MYO3B: variants seen among roughly 807,000 people sequenced by gnomAD.
MYO3B encodes the protein myosin IIIB.
MYO3B carries 156 observed loss-of-function variants against 174.6 expected under a neutral mutation model. The observed-to-expected ratio is 0.89, with a 90% CI of 0.78 to 1.02. MYO3B has a LOEUF of 1.02. Among genes scored for constraint, MYO3B ranks in the 50% least tolerant of loss-of-function variants. The probability of loss-of-function intolerance (pLI) is 0.00; values close to 1 mark genes in which losing one functional copy is unlikely to be tolerated. For synonymous variants in MYO3B, 563 were observed against 569.1 expected (o/e 0.99, Z 0.15); for missense variants, 1,632 against 1,639.4 (o/e 1.00, Z 0.08).
chr2:170,260,176 A>C (rs1408305674), intron 7 of MYO3B, among the ~76,000 whole-genome samples: 2 of 152,238 alleles, frequency 1.3e-5, no homozygotes, highest in Non-Finnish European at 2.9e-5. Flanking sequence ...AAGAACTAAA[A>C]GAAGAACGAC....
At chr2:170,492,580 A>G (rs1686564022) in intron 25 of MYO3B, among the ~76,000 whole-genome samples, 1 of 152,198 alleles carries the variant, frequency 6.6e-6, no homozygotes, top group Admixed American at 6.5e-5. Context: ...CAAAATTTCT[A>G]AACACTTCTT....
Position 170,180,099 on chromosome 2 carries a change from T to C in MYO3B, c.2+1810T>C, listed in dbSNP as rs185920197. 212 of 381,674 alleles carry C rather than the reference T, an allele frequency of 5.6e-4. 2 individuals carry two copies. The highest frequency in any genetic ancestry group is 4.0e-3 in the Middle Eastern group (11 of 2,778). The allele number at this position is 381,674 out of a possible 1,614,324, so 23.6% of individuals were successfully genotyped here. ...AGTATAAAATGTTGCTGGGCAAGTT[T>C]CTATTTAAATCATGCTCGCTAGGCT... On this transcript the variant is annotated intron_variant, in intron 1 of 34. Coordinates refer to ENST00000408978, the MANE Select transcript of MYO3B (RefSeq NM_138995.5).
At chr2:170,615,933 A>G (rs999330334) in intron 32 of MYO3B, among the ~76,000 whole-genome samples, 1 of 152,236 alleles carries the variant, frequency 6.6e-6, no homozygotes, top group Non-Finnish European at 1.5e-5. Flanking sequence ...ATTCTTTCAC[A>G]TAACATTTGT....
At position 170,402,897 on chromosome 2, in the gene MYO3B, G is replaced by A. The variant is rs762080125; in HGVS notation, c.2179G>A (p.Glu727Lys). 1.1e-5 allele frequency: 17 copies of A among 1,611,842 alleles called. No homozygotes were observed. Among genetic ancestry groups the A allele is most frequent in the East Asian group, 4.5e-5 (2 of 44,858 alleles). The change falls in exon 19 of 35, where the codon GAG (glutamate) becomes AAG (lysine). Residue 727 changes from glutamate to lysine, a missense_variant. Physicochemically the swap from Glu to Lys is moderately conservative, Grantham distance 56. Coordinates refer to ENST00000408978, the MANE Select transcript of MYO3B (RefSeq NM_138995.5). Reference sequence around the variant, plus strand: ...GGGGATCTTGGATATCTTTGGATTCGAGAATTTTCAGAGAAATTCATTTGA... The same window carrying A: ...GGGGATCTTGGATATCTTTGGATTCAAGAATTTTCAGAGAAATTCATTTGA... ...NVGILDIFGF[E>K]NFQRNSFEQL...
intron 23 of MYO3B, among the ~76,000 whole-genome samples, chr2:170,459,008 C>T (rs1340734865): frequency 6.6e-6 from 1 of 152,112 alleles, no homozygotes; most frequent in African/African-American, 2.4e-5. Context: ...TTTGTTCCTC[C>T]CGTCCGGAGT....
In MYO3B at chr2:170,581,734, C is replaced by T. The variant is rs554352316; in HGVS notation, c.3733+37746C>T. Among the ~76,000 whole-genome samples the T allele has an allele frequency of 4.6e-5, 7 of 152,278 alleles. No individual in the cohort carries two copies. The East Asian group carries it at 9.6e-4, about 21-fold the overall frequency. ...CATCCTTTCCCTATTAGATCTTGCT[C>T]AACCCTCACAATTTTAGCTAAACAA... On this transcript the variant is annotated intron_variant, in intron 32 of 34. Transcript: ENST00000408978.
intron 30 of MYO3B, among the ~76,000 whole-genome samples, chr2:170,522,269 A>G (rs1688715504): frequency 6.6e-6 from 1 of 152,032 alleles, no homozygotes; most frequent in Non-Finnish European, 1.5e-5. Context: ...TATATTCCTG[A>G]TTCACACACC....
intron 9 of MYO3B, among the ~76,000 whole-genome samples, chr2:170,370,776 C>T (rs2094236651): frequency 2.0e-5 from 3 of 152,098 alleles, no homozygotes. Flanking sequence ...CCAGCATCTC[C>T]TCCTTGTCTC....
intron 34 of MYO3B, among the ~76,000 whole-genome samples, chr2:170,652,364 G>A (rs1447155898): frequency 6.6e-6 from 1 of 152,130 alleles, no homozygotes; most frequent in East Asian, 1.9e-4. Flanking sequence ...TGTCACCTAA[G>A]GGCAAATGTT....
chr2:170,372,254 C>T (rs751435313), intron 9 of MYO3B, among the ~76,000 whole-genome samples: 10 of 150,168 alleles, frequency 6.7e-5, no homozygotes, highest in Non-Finnish European at 1.2e-4. Flanking sequence ...TTCTATAAAA[C>T]GGGGGTTATT....
At chr2:170,330,475 G>A (rs1390354856) in intron 7 of MYO3B, among the ~76,000 whole-genome samples, 3 of 152,074 alleles carry the variant, frequency 2.0e-5, no homozygotes, top group African/African-American at 7.2e-5. Context: ...CTTTTAAGTT[G>A]CATTTTCTTC....
chr2:170,586,866 G>A (rs1022510731), intron 32 of MYO3B, among the ~76,000 whole-genome samples: 1 of 152,180 alleles, frequency 6.6e-6, no homozygotes, highest in African/African-American at 2.4e-5. Flanking sequence ...TATCTTGGCA[G>A]CCTTTTAGAA....
chr2:170,467,226 G>A (rs1050274796), intron 25 of MYO3B, among the ~76,000 whole-genome samples: 7 of 152,218 alleles, frequency 4.6e-5, no homozygotes, highest in African/African-American at 1.4e-4. Flanking sequence ...TTTACAAAAC[G>A]TAAAGGTGAG....
intron 16 of MYO3B, among the ~76,000 whole-genome samples, chr2:170,399,263 AAAAGAGAG>A (rs1320115628): frequency 0.071 from 8,688 of 122,078 alleles, 1,765 homozygotes; most frequent in African/African-American, 0.086. Context: ...AAAAAAAAAA[AAAAGAGAG>A]AGACCAGTCT....
intron 24 of MYO3B, among the ~76,000 whole-genome samples, chr2:170,465,302 T>C (rs1395833648): frequency 6.6e-6 from 1 of 152,024 alleles, no homozygotes; most frequent in African/African-American, 2.4e-5. Flanking sequence ...AGCAGGCGTG[T>C]TACATGGCAA....
intron 30 of MYO3B, among the ~76,000 whole-genome samples, chr2:170,536,223 G>A (rs1433170273): frequency 1.3e-5 from 2 of 152,216 alleles, no homozygotes; most frequent in Admixed American, 1.3e-4. Flanking sequence ...TGGGATTTGA[G>A]AAATTAGCAT....
chr2:170,418,096 T>G (rs754874869), intron 22 of MYO3B, among the ~76,000 whole-genome samples: 32 of 152,232 alleles, frequency 2.1e-4, no homozygotes, highest in South Asian at 6.2e-4. Flanking sequence ...TGCAGGAGGC[T>G]TCAGTGAGGT....
chr2:170,542,741 A>G (rs1482943562), intron 30 of MYO3B, among the ~76,000 whole-genome samples, 165 bp from the exon 31 acceptor site: 1 of 152,198 alleles, frequency 6.6e-6, no homozygotes, highest in Non-Finnish European at 1.5e-5. Context: ...AGTAGGACTC[A>G]TTTTCTTAAG....
At position 170,216,892 on chromosome 2, in the gene MYO3B, A is replaced by G. The variant is rs981322761; in HGVS notation, c.527-427A>G. The stretch of plus-strand genomic sequence containing the variant: ...ATAGACAGGGATGTCCATTAGGGAA[A>G]AAAAAAAATCCTAATGATTTAAATA... On this transcript the variant is annotated intron_variant, in intron 5 of 34. Transcript: ENST00000408978. Among the ~76,000 whole-genome samples, 18 of 151,696 alleles carry G rather than the reference A, an allele frequency of 1.2e-4. No individual in the cohort carries two copies. In the East Asian group the frequency reaches 3.3e-3, roughly 28 times the overall value.
Sources: allele counts gnomAD v4.1 joint callset (sites outside exome capture counted in the v4.1 genomes callset), GRCh38; gene constraint gnomAD v4.1.1; transcripts MANE v1.5; gene names NCBI Gene and HGNC (gene_info 2026-07-23, HGNC 2026-07-21).